The following KCND3 variants were observed in gnomAD, a reference collection of about 807,000 sequenced individuals.
KCND3 encodes A-type voltage-gated potassium channel KCND3.
A neutral mutation model predicts 51.1 loss-of-function variants in KCND3; 9 were observed. That is an observed-to-expected ratio of 0.18 (90% CI 0.11 to 0.31). The LOEUF is 0.31. Ranked by LOEUF, KCND3 falls within the 10% of genes least tolerant of loss-of-function variation. KCND3 has a pLI of 1.00. For synonymous variants in KCND3, 349 were observed against 368.0 expected (o/e 0.95, Z 0.59); for missense variants, 526 against 903.8 (o/e 0.58, Z 5.36).
chr1:111,901,636 AGC>A (rs1213189628), intron 2 of KCND3, among the ~76,000 whole-genome samples: 1 of 152,208 alleles, frequency 6.6e-6, no homozygotes, highest in Non-Finnish European at 1.5e-5. Context: ...CAGAGCCCAG[AGC>A]GCCACCTCTG....
intron 2 of KCND3, among the ~76,000 whole-genome samples, chr1:111,943,530 C>A (rs1672631562): frequency 1.3e-5 from 2 of 152,202 alleles, no homozygotes; most frequent in Admixed American, 1.3e-4. Context: ...CAGAAGCAGA[C>A]CTAAGGCTAG....
chr1:111,777,164 G>A lies in KCND3; in HGVS notation c.1628C>T (p.Thr543Ile), dbSNP rs757809004. Residue 543 changes from threonine to isoleucine, a missense_variant, in exon 7 of 8, where the codon ACT becomes ATT. Thr to Ile is a moderately conservative substitution (Grantham distance 89). Transcript: ENST00000302127. ...ACTACGACGGGAGCAGCAGGTGGTA[G>A]TGAGGCCTGGGTGGCTGGACAGTGA... ...SPSLSSHPGL[T>I]TTCCSRRSKK... 1.9e-6 allele frequency: 3 copies of A among 1,614,244 alleles called. No individual in the cohort carries two copies. The highest frequency in any genetic ancestry group is 2.5e-6 in the Non-Finnish European group (3 of 1,180,050).
At chr1:111,970,773 C>T (rs983323221) in intron 2 of KCND3, among the ~76,000 whole-genome samples, 1 of 152,188 alleles carries the variant, frequency 6.6e-6, no homozygotes, top group African/African-American at 2.4e-5. Flanking sequence ...GAATGGGAAC[C>T]TAACATCCAC....
chr1:111,949,670 T>C (rs1024389352), intron 2 of KCND3, among the ~76,000 whole-genome samples: 3 of 151,622 alleles, frequency 2.0e-5, no homozygotes, highest in African/African-American at 7.3e-5. Context: ...CCCACCCTCA[T>C]ATTTTTAGTT....
At chr1:111,951,443 CTTATAA>C in intron 2 of KCND3, among the ~76,000 whole-genome samples, 1 of 152,036 alleles carries the variant, frequency 6.6e-6, no homozygotes, top group Admixed American at 6.5e-5. Context: ...TTGGGAACTG[CTTATAA>C]TCAGGAGAGT....
chr1:111,855,967 G>C (rs1355555061), intron 2 of KCND3, among the ~76,000 whole-genome samples: 2 of 152,168 alleles, frequency 1.3e-5, no homozygotes, highest in Non-Finnish European at 2.9e-5. Flanking sequence ...AGTCCCAGAT[G>C]ACCTGCAGGG....
intron 2 of KCND3, among the ~76,000 whole-genome samples, chr1:111,808,319 T>C (rs192142806): frequency 3.3e-5 from 5 of 152,224 alleles, no homozygotes; most frequent in African/African-American, 1.2e-4. Context: ...CTCAGCATCT[T>C]TGTAATCGGT....
intron 2 of KCND3, among the ~76,000 whole-genome samples, chr1:111,958,436 GC>G (rs1231187636): frequency 4.6e-5 from 7 of 152,204 alleles, no homozygotes; most frequent in African/African-American, 7.2e-5. Context: ...GACAAACAAA[GC>G]AGAATGGAGG....
chr1:111,932,203 T>C (rs1672008019), intron 2 of KCND3, among the ~76,000 whole-genome samples: 1 of 152,154 alleles, frequency 6.6e-6, no homozygotes, highest in Non-Finnish European at 1.5e-5. Flanking sequence ...GTCAGCTGAC[T>C]AGCAACCTTA....
intron 1 of KCND3, among the ~76,000 whole-genome samples, chr1:111,984,387 A>G (rs1375574384): frequency 1.3e-5 from 2 of 152,098 alleles, no homozygotes; most frequent in Non-Finnish European, 2.9e-5. Context: ...CCTTTTCTTC[A>G]TGACGTCCCT....
intron 2 of KCND3, among the ~76,000 whole-genome samples, chr1:111,832,312 A>G (rs1666869089): frequency 1.3e-5 from 2 of 152,340 alleles, no homozygotes; most frequent in Non-Finnish European, 2.9e-5. Context: ...CTCCGAGAGA[A>G]GCCTGGGACG....
intron 2 of KCND3, among the ~76,000 whole-genome samples, chr1:111,790,273 A>T (rs573143719): frequency 6.6e-6 from 1 of 152,240 alleles, no homozygotes; most frequent in African/African-American, 2.4e-5. Flanking sequence ...TGGGTTTTAT[A>T]TCCCCAGGGT....
intron 3 of KCND3, among the ~76,000 whole-genome samples, chr1:111,781,472 C>CA (rs2101473712): frequency 6.6e-6 from 1 of 152,258 alleles, no homozygotes; most frequent in East Asian, 1.9e-4. Flanking sequence ...AGTTAATAAA[C>CA]ACATTTACAA....
chr1:111,837,290 C>T (rs1667108027), intron 2 of KCND3, among the ~76,000 whole-genome samples: 6 of 152,116 alleles, frequency 3.9e-5, no homozygotes, highest in Non-Finnish European at 8.8e-5. Flanking sequence ...ATGAGCCCCT[C>T]AACATTCCCA....
At chr1:111,787,851 A>G (rs1228795711) in intron 2 of KCND3, among the ~76,000 whole-genome samples, 1 of 152,190 alleles carries the variant, frequency 6.6e-6, no homozygotes, top group African/African-American at 2.4e-5. Context: ...TCTTATCCCC[A>G]TTGTACAGAT....
intron 2 of KCND3, among the ~76,000 whole-genome samples, chr1:111,809,840 T>C (rs1446897043): frequency 6.6e-6 from 1 of 152,078 alleles, no homozygotes; most frequent in Admixed American, 6.5e-5. Context: ...GCTCTGGGGG[T>C]GTTCATCAGC....
chr1:111,776,117 G>C lies in KCND3; in HGVS notation c.1928C>G (p.Pro643Arg). ...PASPGPNTNI[P>R]SIASNVVKVS... ...CTTGACAACATTGCTGGCTATGGAA[G>C]GAATGTTCGTGTTGGGGCCTGGGCT... The change falls in exon 8 of 8, where the codon CCT (proline) becomes CGT (arginine). Residue 643 changes from proline to arginine, a missense_variant. Physicochemically the swap from Pro to Arg is moderately radical, Grantham distance 103 (BLOSUM62 -2). Coordinates refer to ENST00000302127, the MANE Select transcript of KCND3 (RefSeq NM_001378969.1). 1 of 1,614,250 alleles carries C rather than the reference G, an allele frequency of 6.2e-7. No individual in the cohort carries two copies. Among genetic ancestry groups the C allele is most frequent in the Non-Finnish European group, 8.5e-7 (1 of 1,180,050 alleles).
chr1:111,788,665 T>G (rs986773007), intron 2 of KCND3, among the ~76,000 whole-genome samples: 3 of 152,210 alleles, frequency 2.0e-5, no homozygotes, highest in Non-Finnish European at 2.9e-5. Context: ...TCTAGATCTT[T>G]GCAGCTAGGG....
At chr1:111,889,794 T>A (rs1375509737) in intron 2 of KCND3, among the ~76,000 whole-genome samples, 1 of 151,850 alleles carries the variant, frequency 6.6e-6, no homozygotes, top group South Asian at 2.1e-4. Context: ...AGGTAAGAAA[T>A]CTTATGGAGG....
Sources: allele counts gnomAD v4.1 joint callset (sites outside exome capture counted in the v4.1 genomes callset), GRCh38; gene constraint gnomAD v4.1.1; transcripts MANE v1.5; gene names NCBI Gene and HGNC (gene_info 2026-07-23, HGNC 2026-07-21).